The following GLIS3 variants were observed in gnomAD, a reference collection of about 807,000 sequenced individuals.
The protein encoded by GLIS3 is zinc finger protein GLIS3.
GLIS3 carries 53 observed loss-of-function variants against 78.6 expected under a neutral mutation model. The observed-to-expected ratio is 0.67, with a 90% CI of 0.54 to 0.85. GLIS3 has a LOEUF of 0.85. Ranked by LOEUF, GLIS3 falls within the 40% of genes least tolerant of loss-of-function variation. The pLI is 0.00. For missense variants in GLIS3, 1,703 were observed against 1,231.1 expected (o/e 1.38, Z -5.74); for synonymous variants, 684 against 509.9 (o/e 1.34, Z -4.60).
chr9:3,927,684 C>A (rs1312572469), intron 6 of GLIS3, among the ~76,000 whole-genome samples: 1 of 152,198 alleles, frequency 6.6e-6, no homozygotes, highest in African/African-American at 2.4e-5. Flanking sequence ...TAAGTGGTCA[C>A]TTTCATTGAC....
chr9:3,914,627 G>A (rs1824380157), intron 6 of GLIS3, among the ~76,000 whole-genome samples: 1 of 152,118 alleles, frequency 6.6e-6, no homozygotes, highest in African/African-American at 2.4e-5. Context: ...TCATTCATCT[G>A]GAAGGGCTGG....
chr9:3,879,098 T>A lies in GLIS3; in HGVS notation c.2297+329A>T, dbSNP rs186496134. Among the ~76,000 whole-genome samples, 62 of 152,230 alleles carry A rather than the reference T, an allele frequency of 4.1e-4. 1 individual carries two copies. Among genetic ancestry groups the A allele is most frequent in the African/African-American group, 1.5e-3 (61 of 41,510 alleles). ...GGCACCATCTGACATCGGGAAGTGC[T>A]TCGACCTGCATATACATTACCTTAA... On this transcript the variant is annotated intron_variant, in intron 8 of 10. Transcript: ENST00000381971.
At chr9:3,910,671 G>A (rs1307213101) in intron 6 of GLIS3, among the ~76,000 whole-genome samples, 1 of 152,214 alleles carries the variant, frequency 6.6e-6, no homozygotes, top group African/African-American at 2.4e-5. Flanking sequence ...ACACTTAGGT[G>A]GAAAGAGCTT....
intron 1 of GLIS3, among the ~76,000 whole-genome samples, chr9:4,290,905 G>A (rs1236374582): frequency 6.6e-6 from 1 of 152,096 alleles, no homozygotes; most frequent in African/African-American, 2.4e-5. Context: ...TCCCCAAATT[G>A]AAACTGGAGG....
chr9:3,932,894 A>C (rs139714241), intron 5 of GLIS3: 194 of 329,428 alleles, frequency 5.9e-4, no homozygotes, highest in African/African-American at 3.9e-3. Flanking sequence ...GTCCAGAAAA[A>C]AACTGGGTAT....
chr9:4,449,413 G>C, the GLIS3 span, among the ~76,000 whole-genome samples: 3 of 152,206 alleles, frequency 2.0e-5, no homozygotes, highest in East Asian at 5.8e-4. Context: ...ACAAAAGGCA[G>C]CAGAAACTTC....
intron 2 of GLIS3, among the ~76,000 whole-genome samples, chr9:4,163,184 C>T (rs1835631819): frequency 6.6e-6 from 1 of 152,258 alleles, no homozygotes; most frequent in African/African-American, 2.4e-5. Flanking sequence ...CACAGATCTG[C>T]CTGGGTCCAT....
intron 2 of GLIS3, among the ~76,000 whole-genome samples, chr9:4,346,476 A>T (rs1156536427): frequency 2.6e-5 from 4 of 152,316 alleles, no homozygotes; most frequent in Middle Eastern, 6.8e-3. Context: ...TAAAAAATAC[A>T]TTAAATAATT....
At chr9:4,136,654 A>G (rs1252126082) in intron 2 of GLIS3, among the ~76,000 whole-genome samples, 1 of 152,222 alleles carries the variant, frequency 6.6e-6, no homozygotes, top group East Asian at 1.9e-4. Context: ...AAGAATGAGC[A>G]CACAAATGAG....
At chr9:4,406,335 C>CAA in the GLIS3 span, among the ~76,000 whole-genome samples, 1 of 152,134 alleles carries the variant, frequency 6.6e-6, no homozygotes, top group East Asian at 1.9e-4. Flanking sequence ...TTTCTTGAGA[C>CAA]AGAGTTTTGC....
the GLIS3 span, among the ~76,000 whole-genome samples, chr9:4,353,683 A>C: frequency 6.6e-6 from 1 of 152,174 alleles, no homozygotes; most frequent in African/African-American, 2.4e-5. Context: ...CTCGAGATAG[A>C]GCCAGATCCC....
intron 4 of GLIS3, among the ~76,000 whole-genome samples, chr9:3,995,128 C>G (rs561029142): frequency 6.6e-6 from 1 of 151,994 alleles, no homozygotes. Flanking sequence ...GGAGCAAAAC[C>G]AAACCTGACC....
At chr9:4,073,816 G>C (rs1216583327) in intron 4 of GLIS3, among the ~76,000 whole-genome samples, 1 of 152,008 alleles carries the variant, frequency 6.6e-6, no homozygotes, top group Non-Finnish European at 1.5e-5. Context: ...AATTATTTAA[G>C]TAAAATTACG....
At chr9:4,475,525 C>T in the GLIS3 span, among the ~76,000 whole-genome samples, 1 of 152,154 alleles carries the variant, frequency 6.6e-6, no homozygotes, top group Non-Finnish European at 1.5e-5. Flanking sequence ...GTTAAATAAA[C>T]TATGGATACA....
Position 4,244,855 on chromosome 9 carries a change from T to C in GLIS3, c.388+41183A>G, listed in dbSNP as rs184402716. On this transcript the variant is annotated intron_variant, in intron 2 of 10. Transcript: ENST00000381971. ...CCTCCCAAAATGCTGAGATTACAGG[T>C]GTAAGCCACCATGCCTGACCACAAG... 2.7e-4 allele frequency among the ~76,000 whole-genome samples: 41 copies of C among 152,292 alleles called. No homozygotes were observed. In the Middle Eastern group the frequency reaches 0.01, roughly 38 times the overall value.
the GLIS3 span, among the ~76,000 whole-genome samples, chr9:4,426,217 C>G: frequency 6.6e-6 from 1 of 152,154 alleles, no homozygotes; most frequent in Non-Finnish European, 1.5e-5. Context: ...CACTACTGCT[C>G]CCAAACAGAG....
chr9:4,058,075 C>A (rs925958611), intron 4 of GLIS3, among the ~76,000 whole-genome samples: 1 of 152,148 alleles, frequency 6.6e-6, no homozygotes, highest in African/African-American at 2.4e-5. Flanking sequence ...ACAAAGAGAA[C>A]ATCCCCTGAT....
rs139861469 is a variant in GLIS3 at position 3,849,858 on chromosome 9, T to C, written c.2473+6151A>G. The stretch of plus-strand genomic sequence containing the variant: ...CAGGAGGCAGAGGTTGCAGTGAACA[T>C]AGATTGCGCCACTGCACCCCAGCCT... On this transcript the variant is annotated intron_variant, in intron 9 of 10. Transcript: ENST00000381971. Among the ~76,000 whole-genome samples the C allele has an allele frequency of 6.6e-4, 100 of 151,254 alleles. 2 individuals carry two copies. Among genetic ancestry groups the C allele is most frequent in the African/African-American group, 2.4e-3 (97 of 41,158 alleles).
chr9:4,130,799 C>T (rs1474349228), intron 2 of GLIS3, among the ~76,000 whole-genome samples: 5 of 152,138 alleles, frequency 3.3e-5, no homozygotes, highest in Non-Finnish European at 5.9e-5. Flanking sequence ...TGCAGTACTG[C>T]GTAATGGAGC....
Sources: allele counts gnomAD v4.1 joint callset (sites outside exome capture counted in the v4.1 genomes callset), GRCh38; gene constraint gnomAD v4.1.1; transcripts MANE v1.5; gene names NCBI Gene and HGNC (gene_info 2026-07-23, HGNC 2026-07-21).